Variants in CHD1 observed in about 807,000 individuals in gnomAD.
CHD1 encodes ATP-dependent chromatin remodeler CHD1.
A neutral mutation model predicts 224.2 loss-of-function variants in CHD1; 36 were observed. The ratio of observed to expected loss-of-function variants is 0.16; its 90% CI spans 0.12 to 0.21. CHD1 has a LOEUF of 0.21. Among genes scored for constraint, CHD1 ranks in the 10% least tolerant of loss-of-function variants. The pLI, the probability that CHD1 is intolerant of heterozygous loss-of-function variation, is 1.00. For synonymous variants in CHD1, 668 were observed against 658.3 expected (o/e 1.01, Z -0.23); for missense variants, 1,378 against 1,994.8 (o/e 0.69, Z 5.89).
chr5:98,905,672 C>T (rs1371757736), intron 2 of CHD1, among the ~76,000 whole-genome samples: 3 of 152,146 alleles, frequency 2.0e-5, no homozygotes, highest in African/African-American at 7.2e-5. Flanking sequence ...AGTAACACTG[C>T]TTGTCTGAGA....
chr5:98,862,011 G>C (rs1471095005), intron 32 of CHD1, among the ~76,000 whole-genome samples: 4 of 152,046 alleles, frequency 2.6e-5, no homozygotes, highest in African/African-American at 9.7e-5. Context: ...ACAAGAATTA[G>C]CCAGGCCTGG....
chr5:98,917,302 A>C (rs908737250), intron 2 of CHD1, among the ~76,000 whole-genome samples: 14 of 150,832 alleles, frequency 9.3e-5, no homozygotes, highest in Non-Finnish European at 3.0e-5. Flanking sequence ...AAAGAAACAA[A>C]AAAAAAAAAC....
chr5:98,860,327 C>T (rs944289717), intron 32 of CHD1: 2 of 391,126 alleles, frequency 5.1e-6, no homozygotes, highest in East Asian at 6.4e-5. Context: ...AAAAGCAGTA[C>T]AATCCTAATT....
chr5:98,855,152 G>C lies in CHD1; in HGVS notation c.*1228C>G, dbSNP rs560679935. ...GGGGTAGGGGGCGGTGGTGGTGGTG[G>C]TAAGTGCTTGAGGGAGTAAGAATGC... On this transcript the variant is annotated 3_prime_UTR_variant, in exon 36 of 36. Transcript: ENST00000614616. 1.3e-5 allele frequency: 2 copies of C among 152,588 alleles called. No homozygotes were observed. Among genetic ancestry groups the C allele is most frequent in the Non-Finnish European group, 2.9e-5 (2 of 68,146 alleles). The allele number at this position is 152,588 out of a possible 1,614,324, so 9.5% of individuals were successfully genotyped here.
intron 8 of CHD1, among the ~76,000 whole-genome samples, chr5:98,899,081 C>T (rs1204430457): frequency 6.6e-6 from 1 of 152,134 alleles, no homozygotes; most frequent in African/African-American, 2.4e-5. Context: ...TGAGGATCCT[C>T]TACAGATACC....
chr5:98,898,967 A>G (rs536619154), intron 8 of CHD1, among the ~76,000 whole-genome samples: 1 of 152,152 alleles, frequency 6.6e-6, no homozygotes. Flanking sequence ...TATGAGACAC[A>G]CTCTATGTGA....
chr5:98,858,682 C>T (rs998957894), intron 34 of CHD1: 4 of 413,738 alleles, frequency 9.7e-6, no homozygotes, highest in Non-Finnish European at 1.7e-5. Flanking sequence ...TTCCAAATTA[C>T]ATAAAAAAGA....
In CHD1 at chr5:98,893,450, G is replaced by A. The variant is rs1330654481; in HGVS notation, c.1957C>T (p.Leu653Phe). ...GTPLQNSLKELWSLLHFIMPE... is the reference protein window; with the variant it reads ...GTPLQNSLKEFWSLLHFIMPE... ...ATAATGAAATGTAGCAAAGACCAGA[G>A]CTCTTTGAGGGAATTCTGTAGAGGA... Residue 653 changes from leucine to phenylalanine, a missense_variant, in exon 14 of 36, where the codon CTC becomes TTC. Coordinates refer to ENST00000614616, the MANE Select transcript of CHD1 (RefSeq NM_001270.4). 2 of 1,606,946 alleles carry A rather than the reference G, an allele frequency of 1.2e-6. No homozygotes were observed.
rs1009532789 is a variant in CHD1, at chr5:98,872,621, C to T, written c.3572-66G>A. 9.4e-6 allele frequency: 12 copies of T among 1,270,756 alleles called. No individual in the cohort carries two copies. The Admixed American group carries it at 1.8e-4, about 19-fold the overall frequency. 78.7% of individuals were successfully genotyped at this position (1,270,756 alleles called of 1,614,324 possible). On this transcript the variant is annotated intron_variant, in intron 26 of 35. Transcript: ENST00000614616. ...AAACATAATTCTACAAAACACCAAG[C>T]AACTGATGCTATTACTTATGTTATT...
chr5:98,889,263 G>T, intron 15 of CHD1, 25 bp from the exon 16 acceptor site: 3 of 1,499,128 alleles, frequency 2.0e-6, no homozygotes, highest in South Asian at 1.3e-5. Flanking sequence ...TTATGAAAAC[G>T]ATGTTTAGCA....
chr5:98,923,643 A>T (rs1026085894), intron 2 of CHD1, among the ~76,000 whole-genome samples: 1 of 151,864 alleles, frequency 6.6e-6, no homozygotes, highest in Non-Finnish European at 1.5e-5. Flanking sequence ...CGAACTCCCA[A>T]CCTCAGGTGA....
Position 98,901,057 on chromosome 5 carries a change from T to C in CHD1, c.613A>G (p.Ile205Val). ...NRSKSKNGKK[I>V]LGQKKRQIDS... is the part of the protein sequence containing the mutation. ...ATCTGTCTCTTTTTTTGTCCAAGAA[T>C]CTTCTTTCCATTTTTTGACTTAGAT... Residue 205 changes from isoleucine to valine, a missense_variant, in exon 7 of 36, where the codon ATT becomes GTT. Coordinates refer to ENST00000614616, the MANE Select transcript of CHD1 (RefSeq NM_001270.4). 1.3e-6 allele frequency: 2 copies of C among 1,596,476 alleles called. No individual in the cohort carries two copies. The highest frequency in any genetic ancestry group is 8.5e-7 in the Non-Finnish European group (1 of 1,174,400).
chr5:98,858,060 T>C, intron 35 of CHD1, 120 bp downstream of exon 35: 1 of 713,850 alleles, frequency 1.4e-6, no homozygotes, highest in East Asian at 2.5e-5. Flanking sequence ...ACACCTTTAT[T>C]TCACAAGATT....
intron 23 of CHD1, 33 bp from the exon 24 acceptor site, chr5:98,876,591 G>A (rs780365389): frequency 2.2e-5 from 35 of 1,584,068 alleles, no homozygotes; most frequent in African/African-American, 5.4e-5. Context: ...CAACCTTAGT[G>A]TAAAAACAGC....
At chr5:98,928,155 C>G (rs1007432524) in intron 1 of CHD1, among the ~76,000 whole-genome samples, 1 of 151,980 alleles carries the variant, frequency 6.6e-6, no homozygotes, top group Non-Finnish European at 1.5e-5. Context: ...CCCGCGCCCT[C>G]CCAGGCTCGC....
At position 98,858,240 on chromosome 5, in the gene CHD1, T is replaced by C. The variant is rs765018225; in HGVS notation, c.4727A>G (p.Tyr1576Cys). Residue 1576 changes from tyrosine to cysteine, a missense_variant, in exon 35 of 36, where the codon TAT (tyrosine) becomes TGT (cysteine). By Grantham distance (194) the Tyr-to-Cys change is radical (BLOSUM62 -2). Transcript: ENST00000614616. ...GTCTTTACCATTACTAAAAGAAGAA[T>C]AGGGTCTTTTCCTGGAATCACTTTT... Reference protein sequence around the residue: ...YKKSDSRKRPYSSFSNGKDHR... With the variant: ...YKKSDSRKRPCSSFSNGKDHR... The C allele has an allele frequency of 4.3e-6, 7 of 1,613,134 alleles. No homozygotes were observed. Among genetic ancestry groups the C allele is most frequent in the African/African-American group, 4.0e-5 (3 of 74,878 alleles).
intron 31 of CHD1, among the ~76,000 whole-genome samples, chr5:98,865,549 A>AT (rs1748798217): frequency 6.6e-6 from 1 of 152,240 alleles, no homozygotes; most frequent in African/African-American, 2.4e-5. Flanking sequence ...TTAGAATACA[A>AT]TGACATCTGT....
chr5:98,889,235 C>A lies in CHD1; in HGVS notation c.2184G>T (p.Trp728Cys). ...GGGCTTTGTAATTCCTAGTTAAAAT[C>A]CATCTTAAAAAAAAAAATTATGAAA... is the stretch of plus-strand genomic sequence containing the variant. The part of the protein sequence containing the change: ...MSALQKQYYK[W>C]ILTRNYKALS... The change falls in exon 16 of 36, where the codon TGG becomes TGT. Residue 728 changes from tryptophan to cysteine, a missense_variant. By Grantham distance (215) the Trp-to-Cys change is radical. Transcript: ENST00000614616. 1 of 1,562,018 alleles carries A rather than the reference C, an allele frequency of 6.4e-7. No homozygotes were observed.
intron 23 of CHD1, 86 bp downstream of exon 23, chr5:98,879,465 TG>T: frequency 1.7e-6 from 2 of 1,210,920 alleles, no homozygotes; most frequent in Non-Finnish European, 1.1e-6. Flanking sequence ...AAGAAAACTA[TG>T]GACTGATACC....
Sources: allele counts gnomAD v4.1 joint callset (sites outside exome capture counted in the v4.1 genomes callset), GRCh38; gene constraint gnomAD v4.1.1; transcripts MANE v1.5; gene names NCBI Gene and HGNC (gene_info 2026-07-23, HGNC 2026-07-21).